The following TNNI3K variants were observed in gnomAD, a reference collection of about 807,000 sequenced individuals.
The protein encoded by TNNI3K is serine/threonine-protein kinase TNNI3K.
TNNI3K carries 140 observed loss-of-function variants against 114.5 expected under a neutral mutation model. The ratio of observed to expected loss-of-function variants is 1.22; its 90% confidence interval spans 1.07 to 1.41. The LOEUF is 1.41. Among genes scored for constraint, TNNI3K ranks in the 40% most tolerant of loss-of-function variants. The pLI is 0.00. For synonymous variants in TNNI3K, 347 were observed against 347.5 expected (o/e 1.00, Z 0.02); for missense variants, 1,125 against 1,007.6 (o/e 1.12, Z -1.58).
rs778375853 is a variant in TNNI3K, at chr1:74,425,448, T to C, written c.1773-10632T>C. Among the ~76,000 whole-genome samples, 10 of 152,264 alleles carry C rather than the reference T, an allele frequency of 6.6e-5. No homozygotes were observed. In the South Asian group the frequency reaches 1.2e-3, roughly 19 times the overall value. On this transcript the variant is annotated intron_variant, in intron 17 of 24. Coordinates refer to ENST00000326637, the MANE Select transcript of TNNI3K (RefSeq NM_015978.3). ...ACAAATTGGATATTTATACAAAATA[T>C]GAAATAACAATTTGGTCTGATAACT... is the stretch of plus-strand genomic sequence containing the variant.
At chr1:74,517,004 C>T (rs1646358486) in intron 23 of TNNI3K, among the ~76,000 whole-genome samples, 1 of 152,166 alleles carries the variant, frequency 6.6e-6, no homozygotes, top group South Asian at 2.1e-4. Context: ...TGAGAAAACA[C>T]TGATAGCAAT....
At chr1:74,474,498 A>T (rs1376496109) in intron 21 of TNNI3K, among the ~76,000 whole-genome samples, 1 of 152,120 alleles carries the variant, frequency 6.6e-6, no homozygotes, top group African/African-American at 2.4e-5. Context: ...TGTGGTAAGA[A>T]TTTCTTGATA....
chr1:74,258,831 C>A (rs978474391), intron 4 of TNNI3K, among the ~76,000 whole-genome samples: 2 of 152,160 alleles, frequency 1.3e-5, no homozygotes, highest in Non-Finnish European at 2.9e-5. Context: ...TAGTAACATA[C>A]GTTTAAAATG....
At chr1:74,437,482 A>G (rs956440703) in intron 19 of TNNI3K, among the ~76,000 whole-genome samples, 2 of 152,038 alleles carry the variant, frequency 1.3e-5, no homozygotes, top group African/African-American at 2.4e-5. Flanking sequence ...TGAGGTTGAC[A>G]TTTAGATAGG....
intron 17 of TNNI3K, among the ~76,000 whole-genome samples, chr1:74,432,991 T>C (rs1368088153): frequency 2.0e-5 from 3 of 152,050 alleles, no homozygotes; most frequent in African/African-American, 7.2e-5. Flanking sequence ...AGTGGCTCCA[T>C]GAGGAATGGA....
At chr1:74,372,605 A>C (rs1662672239) in intron 17 of TNNI3K, 1 of 151,954 alleles carries the variant, frequency 6.6e-6, no homozygotes, top group Non-Finnish European at 1.5e-5. Context: ...TAGATGATAA[A>C]TTAGCATAAT....
intron 24 of TNNI3K, among the ~76,000 whole-genome samples, chr1:74,542,413 C>T (rs1363160454): frequency 6.6e-6 from 1 of 152,118 alleles, no homozygotes; most frequent in Non-Finnish European, 1.5e-5. Context: ...AAATATTTTG[C>T]TGTAGAAGGT....
chr1:74,445,698 C>T (rs1175505210), intron 20 of TNNI3K, among the ~76,000 whole-genome samples: 1 of 149,042 alleles, frequency 6.7e-6, no homozygotes, highest in Non-Finnish European at 1.5e-5. Context: ...GCAAGTTCCG[C>T]CTCCCGGGTT....
chr1:74,464,944 A>G, intron 21 of TNNI3K: 4 of 1,233,578 alleles, frequency 3.2e-6, no homozygotes, highest in South Asian at 3.7e-5. Flanking sequence ...CAGTGCCTTC[A>G]ATCTCTGCAT....
At chr1:74,314,278 G>C (rs1659172949) in intron 5 of TNNI3K, among the ~76,000 whole-genome samples, 1 of 151,588 alleles carries the variant, frequency 6.6e-6, no homozygotes, top group African/African-American at 2.4e-5. Flanking sequence ...AACTAGAAAA[G>C]AAAATAGCTG....
At chr1:74,530,880 G>A (rs1286154917) in intron 23 of TNNI3K, among the ~76,000 whole-genome samples, 1 of 152,072 alleles carries the variant, frequency 6.6e-6, no homozygotes, top group Non-Finnish European at 1.5e-5. Flanking sequence ...TAAATTAGTA[G>A]GTAAATTGAG....
At chr1:74,485,834 G>A (rs185549555) in intron 21 of TNNI3K, among the ~76,000 whole-genome samples, 50 of 152,224 alleles carry the variant, frequency 3.3e-4, no homozygotes, top group African/African-American at 1.1e-3. Flanking sequence ...GGCAACAGAT[G>A]GCAAGAAAAC....
chr1:74,478,847 ACTTATGTCTTTTATGGTAAATTATTT>A (rs1341184642), intron 21 of TNNI3K, among the ~76,000 whole-genome samples: 19 of 152,292 alleles, frequency 1.2e-4, no homozygotes, highest in African/African-American at 4.6e-4. Context: ...CTGCCCTATC[ACTTATGTCTTTTATGGTAAATTATTT>A]CTTAGCACAT....
At chr1:74,290,368 C>T (rs1832808) in intron 5 of TNNI3K, among the ~76,000 whole-genome samples, 103,806 of 151,402 alleles carry the variant, frequency 0.69, 37,480 homozygotes, top group East Asian at 0.88. Context: ...ATTAATTTAC[C>T]TTTGAAATAC....
Position 74,403,629 on chromosome 1 carries a change from A to G in TNNI3K, c.1773-32451A>G, listed in dbSNP as rs185892766. Among the ~76,000 whole-genome samples the G allele has an allele frequency of 1.2e-4, 19 of 152,334 alleles. No individual in the cohort carries two copies. The East Asian group carries it at 3.7e-3, about 29-fold the overall frequency. ...TGTAGCTACCAAAATATATACATGA[A>G]AAATGAAAATGAACCAGTGGCTTTG... On this transcript the variant is annotated intron_variant, in intron 17 of 24. Transcript: ENST00000326637.
chr1:74,361,915 G>A (rs1379753223), intron 11 of TNNI3K, among the ~76,000 whole-genome samples: 4 of 152,150 alleles, frequency 2.6e-5, no homozygotes, highest in African/African-American at 4.8e-5. Flanking sequence ...AAGCATTCAT[G>A]CCTGTGGATT....
At chr1:74,332,976 A>AGAGAG (rs546657305) in intron 6 of TNNI3K, among the ~76,000 whole-genome samples, 17 of 90,754 alleles carry the variant, frequency 1.9e-4, no homozygotes, top group East Asian at 7.4e-4. Context: ...AAAAAAAAAA[A>AGAGAG]AGAGAGAGAC....
chr1:74,268,898 A>G (rs74584747), intron 4 of TNNI3K, among the ~76,000 whole-genome samples: 40,716 of 151,736 alleles, frequency 0.27, 6,231 homozygotes, highest in East Asian at 0.57. Context: ...GCACTTGGAA[A>G]AAAATCCAAA....
intron 7 of TNNI3K, among the ~76,000 whole-genome samples, chr1:74,339,169 A>C (rs1660629531): frequency 6.6e-6 from 1 of 152,162 alleles, no homozygotes; most frequent in South Asian, 2.1e-4. Context: ...GTGTAATACT[A>C]CAACCATATT....
Sources: allele counts gnomAD v4.1 joint callset (sites outside exome capture counted in the v4.1 genomes callset), GRCh38; gene constraint gnomAD v4.1.1; transcripts MANE v1.5; gene names NCBI Gene and HGNC (gene_info 2026-07-23, HGNC 2026-07-21).